Variants in WDSUB1 observed in about 807,000 individuals in gnomAD.
WDSUB1 encodes the protein WD repeat, sterile alpha motif and U-box domain containing 1, also known as WD repeat, SAM and U-box domain-containing protein 1.
In WDSUB1, 49 loss-of-function variants were observed where a neutral mutation model predicts 53.9. The ratio of observed to expected loss-of-function variants is 0.91; its 90% CI spans 0.72 to 1.15. The LOEUF (loss-of-function observed/expected upper bound fraction) is 1.15, where lower values mean the gene tolerates loss of function less well. Ranked by LOEUF, WDSUB1 falls within the 50% of genes most tolerant of loss-of-function variation. The pLI is 0.00. For missense variants in WDSUB1, 514 were observed against 562.0 expected, an observed-to-expected ratio of 0.91 and a Z score of 0.86; for synonymous variants, 194 against 200.6, an observed-to-expected ratio of 0.97 and a Z score of 0.28.
At chr2:159,271,573 C>T in intron 5 of WDSUB1, 129 bp downstream of exon 5, 1 of 771,402 alleles carries the variant, frequency 1.3e-6, no homozygotes, top group Non-Finnish European at 2.1e-6. Flanking sequence ...GGGGCAGAAC[C>T]AGCAATGTTC....
At chr2:159,244,377 A>G (rs1173171803) in intron 10 of WDSUB1, among the ~76,000 whole-genome samples, 2 of 143,884 alleles carry the variant, frequency 1.4e-5, no homozygotes, top group African/African-American at 5.9e-5. Context: ...TGATTCAACT[A>G]ACTGCTGATA....
chr2:159,236,234 A>C (rs939968583), intron 10 of WDSUB1, 44 bp from the exon 11 acceptor site: 24 of 1,559,896 alleles, frequency 1.5e-5, no homozygotes, highest in Non-Finnish European at 1.8e-5. Context: ...TAGGAAAGGG[A>C]AATGAGGATG....
chr2:159,279,690 G>T, intron 3 of WDSUB1, 71 bp downstream of exon 3: 1 of 1,349,022 alleles, frequency 7.4e-7, no homozygotes, highest in Non-Finnish European at 9.9e-7. Context: ...AAGAATAAAA[G>T]AATGAAAAGT....
At chr2:159,258,934 T>C (rs2061128826) in intron 6 of WDSUB1, among the ~76,000 whole-genome samples, 1 of 152,228 alleles carries the variant, frequency 6.6e-6, no homozygotes, top group Non-Finnish European at 1.5e-5. Context: ...CTCGCTACCC[T>C]TTGATTACTT....
intron 10 of WDSUB1, among the ~76,000 whole-genome samples, chr2:159,244,665 G>A (rs552515572): frequency 5.3e-5 from 8 of 152,252 alleles, no homozygotes; most frequent in African/African-American, 1.7e-4. Context: ...TGGCTCACAC[G>A]TCTTATCTCA....
intron 6 of WDSUB1, 107 bp downstream of exon 6, chr2:159,259,703 A>AT: frequency 1.1e-5 from 13 of 1,211,660 alleles, no homozygotes; most frequent in Non-Finnish European, 1.5e-5. Flanking sequence ...GTTCTTAGTC[A>AT]TACTAAACAG....
chr2:159,237,875 T>C (rs2060529855), intron 10 of WDSUB1, among the ~76,000 whole-genome samples: 1 of 44,152 alleles, frequency 2.3e-5, no homozygotes, highest in East Asian at 3.5e-4. Flanking sequence ...TGAAGTCTTA[T>C]GCATGTGTCA....
At chr2:159,275,960 G>A (rs1461041114) in intron 3 of WDSUB1, among the ~76,000 whole-genome samples, 2 of 152,180 alleles carry the variant, frequency 1.3e-5, no homozygotes, top group Admixed American at 6.5e-5. Flanking sequence ...GAGTCTATGA[G>A]GCTAGCACTG....
At chr2:159,251,613 T>C (rs1247643247) in intron 9 of WDSUB1, among the ~76,000 whole-genome samples, 1 of 152,200 alleles carries the variant, frequency 6.6e-6, no homozygotes, top group African/African-American at 2.4e-5. Flanking sequence ...GAAAGGACCC[T>C]TACCAGCTAA....
chr2:159,271,906 G>A, intron 4 of WDSUB1, 111 bp from the exon 5 acceptor site: 3 of 840,288 alleles, frequency 3.6e-6, no homozygotes, highest in Non-Finnish European at 3.7e-6. Flanking sequence ...AGTGCCTAAA[G>A]GACACAAAAA....
rs375780434 is a variant in WDSUB1, at chr2:159,268,235, C to T, written c.770+3467G>A. ...GAAAAGAGGGGATTTAAAATGTCTT[C>T]AAGAGCACAAACACTGTCTTATACT... On this transcript the variant is annotated intron_variant, in intron 5 of 10. Coordinates refer to ENST00000359774, the MANE Select transcript of WDSUB1 (RefSeq NM_001128212.3). Among the ~76,000 whole-genome samples the T allele has an allele frequency of 1.2e-4, 19 of 152,314 alleles. No individual in the cohort carries two copies. The East Asian group carries it at 2.9e-3, about 23-fold the overall frequency.
At chr2:159,269,832 AT>A (rs1311706318) in intron 5 of WDSUB1, among the ~76,000 whole-genome samples, 8 of 152,236 alleles carry the variant, frequency 5.3e-5, no homozygotes, top group African/African-American at 1.4e-4. Flanking sequence ...GATTAAAAAA[AT>A]AACAACAAAA....
intron 5 of WDSUB1, among the ~76,000 whole-genome samples, chr2:159,260,505 G>C (rs1057072193): frequency 6.6e-6 from 1 of 152,184 alleles, no homozygotes; most frequent in African/African-American, 2.4e-5. Context: ...TTTTGTTTCA[G>C]ATAGCACTAT....
chr2:159,271,911 C>T, intron 4 of WDSUB1, 116 bp from the exon 5 acceptor site: 1 of 797,836 alleles, frequency 1.3e-6, no homozygotes, highest in Non-Finnish European at 2.0e-6. Context: ...CTAAAGGACA[C>T]AAAAATTAAA....
intron 3 of WDSUB1, among the ~76,000 whole-genome samples, chr2:159,275,839 A>G (rs141516023): frequency 6.6e-6 from 1 of 152,314 alleles, no homozygotes; most frequent in African/African-American, 2.4e-5. Context: ...TTAGTCCTCA[A>G]GTTGCTACAA....
intron 2 of WDSUB1, among the ~76,000 whole-genome samples, chr2:159,282,285 T>A (rs987603058): frequency 1.3e-5 from 2 of 151,100 alleles, no homozygotes; most frequent in East Asian, 4.0e-4. Flanking sequence ...CTCCGCCTCC[T>A]GGGTTCACGT....
At chr2:159,257,685 G>T in intron 8 of WDSUB1, 73 bp downstream of exon 8, 1 of 1,370,844 alleles carries the variant, frequency 7.3e-7, no homozygotes, top group Non-Finnish European at 1.0e-6. Context: ...GCGGTGCCCA[G>T]CCCGATTTAC....
chr2:159,252,200 CCT>C (rs2060965703), intron 9 of WDSUB1, among the ~76,000 whole-genome samples: 1 of 151,914 alleles, frequency 6.6e-6, no homozygotes, highest in Non-Finnish European at 1.5e-5. Flanking sequence ...AGACACGAAA[CCT>C]ATATTAAGAA....
At chr2:159,241,987 A>G (rs1337824644) in intron 10 of WDSUB1, among the ~76,000 whole-genome samples, 1 of 147,688 alleles carries the variant, frequency 6.8e-6, no homozygotes, top group African/African-American at 2.6e-5. Context: ...GTACTTCCAA[A>G]TACACTGACA....
Sources: gnomAD v4.1 joint callset for allele counts (sites outside exome capture counted in the v4.1 genomes callset) on GRCh38, gnomAD v4.1.1 for gene constraint, MANE v1.5 for transcripts, NCBI Gene and HGNC (gene_info 2026-07-23, HGNC 2026-07-21) for gene names.